The following ITGB6 variants were observed in gnomAD, a reference collection of about 807,000 sequenced individuals.
ITGB6 encodes the protein integrin subunit beta 6.
ITGB6 carries 80 observed loss-of-function variants against 84.5 expected under a neutral mutation model. The ratio of observed to expected loss-of-function variants is 0.95; its 90% confidence interval spans 0.79 to 1.14. ITGB6 has a LOEUF of 1.14. Ranked by LOEUF, ITGB6 falls within the 50% of genes most tolerant of loss-of-function variation. The probability of loss-of-function intolerance (pLI) is 0.00; values close to 1 mark genes in which losing one functional copy is unlikely to be tolerated. For missense variants in ITGB6, 1,006 were observed against 968.0 expected (o/e 1.04, Z -0.52); for synonymous variants, 383 against 354.9 (o/e 1.08, Z -0.89).
At chr2:160,152,351 A>T (rs1684458397) in intron 7 of ITGB6, among the ~76,000 whole-genome samples, 1 of 152,222 alleles carries the variant, frequency 6.6e-6, no homozygotes, top group South Asian at 2.1e-4. Flanking sequence ...CAAAAACCAC[A>T]TGATTATCTC....
chr2:160,172,523 C>A, intron 6 of ITGB6, 46 bp downstream of exon 6: 13 of 1,515,308 alleles, frequency 8.6e-6, no homozygotes, highest in Non-Finnish European at 1.2e-5. Flanking sequence ...TTGCTTCGTT[C>A]TCCTACTTAT....
chr2:160,128,573 C>T (rs576228142), intron 10 of ITGB6, among the ~76,000 whole-genome samples: 5 of 152,174 alleles, frequency 3.3e-5, no homozygotes, highest in South Asian at 4.1e-4. Context: ...TGAACCAAGG[C>T]GGTGCCCATG....
chr2:160,153,025 T>C (rs975833139), intron 7 of ITGB6, among the ~76,000 whole-genome samples: 3 of 152,320 alleles, frequency 2.0e-5, no homozygotes, highest in South Asian at 2.1e-4. Context: ...AGGTAATTTA[T>C]AAGTTCAATG....
At chr2:160,162,367 C>CAT (rs912385448) in intron 7 of ITGB6, among the ~76,000 whole-genome samples, 13 of 151,776 alleles carry the variant, frequency 8.6e-5, no homozygotes, top group African/African-American at 2.7e-4. Flanking sequence ...TATATGTGTA[C>CAT]ATATATATAT....
intron 2 of ITGB6, among the ~76,000 whole-genome samples, chr2:160,198,816 T>A (rs984349722): frequency 1.3e-5 from 2 of 152,220 alleles, no homozygotes; most frequent in Non-Finnish European, 2.9e-5. Flanking sequence ...GAACATCAAA[T>A]GTATGTTTAA....
intron 4 of ITGB6, among the ~76,000 whole-genome samples, chr2:160,191,104 T>C (rs1686122650): frequency 1.3e-5 from 2 of 152,234 alleles, no homozygotes; most frequent in South Asian, 4.1e-4. Flanking sequence ...AATACTTTTA[T>C]GTTAGATAGT....
intron 7 of ITGB6, among the ~76,000 whole-genome samples, chr2:160,161,233 C>T (rs1381151015): frequency 6.6e-6 from 1 of 152,082 alleles, no homozygotes; most frequent in Admixed American, 6.6e-5. Context: ...CATATAGTTA[C>T]TCTCATCAAT....
intron 6 of ITGB6, among the ~76,000 whole-genome samples, chr2:160,169,807 G>A (rs151139361): frequency 1.3e-5 from 2 of 152,272 alleles, no homozygotes; most frequent in East Asian, 1.9e-4. Context: ...TGACATTCCC[G>A]TACTAATCCT....
At position 160,126,448 on chromosome 2, in the gene ITGB6, G is replaced by A. The variant is rs543986673; in HGVS notation, c.1814C>T (p.Thr605Ile). ...GDCVCGKCVC[T>I]NPGASGPTCE... ...GGTTGGTCCTGAGGCTCCAGGGTTT[G>A]TGCAAACACACTTGCCACAAACACA... The change falls in exon 11 of 15, where the codon ACA becomes ATA. Residue 605 changes from threonine (T) to isoleucine (I), a missense_variant. Thr to Ile is a moderately conservative substitution (Grantham distance 89, BLOSUM62 -1). Coordinates refer to ENST00000283249, the MANE Select transcript of ITGB6 (RefSeq NM_000888.5). 1 of 1,614,200 alleles carries A rather than the reference G, an allele frequency of 6.2e-7. No homozygotes were observed. Among genetic ancestry groups the A allele is most frequent in the East Asian group, 2.2e-5 (1 of 44,884 alleles).
intron 12 of ITGB6, among the ~76,000 whole-genome samples, chr2:160,119,794 T>C (rs1682949954): frequency 6.6e-6 from 1 of 151,814 alleles, no homozygotes; most frequent in South Asian, 2.1e-4. Flanking sequence ...ATCCAGAATC[T>C]ACAATGAACT....
chr2:160,196,679 ATG>A (rs370352697), intron 2 of ITGB6, among the ~76,000 whole-genome samples: 2 of 151,664 alleles, frequency 1.3e-5, no homozygotes, highest in Admixed American at 6.6e-5. Flanking sequence ...TAACAATTGC[ATG>A]TGTGTGTGTG....
chr2:160,160,584 T>A (rs1221769498), intron 7 of ITGB6, among the ~76,000 whole-genome samples: 1 of 152,224 alleles, frequency 6.6e-6, no homozygotes, highest in African/African-American at 2.4e-5. Context: ...GGGGCTTTTC[T>A]GGATAATCAG....
chr2:160,114,019 A>C (rs1160150459), intron 12 of ITGB6, among the ~76,000 whole-genome samples: 1 of 152,178 alleles, frequency 6.6e-6, no homozygotes, highest in Non-Finnish European at 1.5e-5. Flanking sequence ...GTGGTAGGAA[A>C]TATGTGAGTG....
At chr2:160,124,229 C>T (rs565376747) in intron 11 of ITGB6, among the ~76,000 whole-genome samples, 179 of 152,274 alleles carry the variant, frequency 1.2e-3, no homozygotes, top group African/African-American at 4.1e-3. Flanking sequence ...CTACAGAGAG[C>T]GTATGTTCCT....
At position 160,140,971 on chromosome 2, in the gene ITGB6, G is replaced by A. The variant is rs1022753217; in HGVS notation, c.1107+1011C>T. Reference sequence around the variant, plus strand: ...TTCAAAGACGTCTGTGAGAGGATAGGCCTATTTTTAAAAACTTTCCGTGTT... The same window carrying A: ...TTCAAAGACGTCTGTGAGAGGATAGACCTATTTTTAAAAACTTTCCGTGTT... On this transcript the variant is annotated intron_variant, in intron 8 of 14. Transcript: ENST00000283249. 5.9e-5 allele frequency among the ~76,000 whole-genome samples: 9 copies of A among 151,972 alleles called. 1 individual carries two copies. The highest frequency in any genetic ancestry group is 2.2e-4 in the African/African-American group (9 of 41,364).
At chr2:160,176,304 A>G (rs569431305) in intron 4 of ITGB6, among the ~76,000 whole-genome samples, 2 of 152,240 alleles carry the variant, frequency 1.3e-5, no homozygotes, top group East Asian at 3.9e-4. Flanking sequence ...TCTTGGATGG[A>G]TGTGGCCCAC....
intron 4 of ITGB6, among the ~76,000 whole-genome samples, chr2:160,190,962 T>C (rs373861267): frequency 4.6e-5 from 7 of 152,284 alleles, no homozygotes; most frequent in African/African-American, 1.7e-4. Context: ...GGAGTTCTAG[T>C]TGGAATTGCC....
At chr2:160,187,671 A>G (rs60103361) in intron 4 of ITGB6, among the ~76,000 whole-genome samples, 6,840 of 152,244 alleles carry the variant, frequency 0.045, 481 homozygotes, top group African/African-American at 0.15. Context: ...GTGCCACTCC[A>G]TTTTAGAGCA....
chr2:160,190,056 A>G lies in ITGB6; in HGVS notation c.593+5313T>C, dbSNP rs56659406. ...ATAATGAGTTCATGTCCTTTGTAGG[A>G]ACATGAATGAAGCTGGAAACCATCA... On this transcript the variant is annotated intron_variant, in intron 4 of 14. Transcript: ENST00000283249. Among the ~76,000 whole-genome samples, 1,012 of 152,102 alleles carry G rather than the reference A, an allele frequency of 6.7e-3. 15 individuals carry two copies. Among genetic ancestry groups the G allele is most frequent in the African/African-American group, 0.024 (975 of 41,424 alleles).
Sources: gnomAD v4.1 joint callset for allele counts (sites outside exome capture counted in the v4.1 genomes callset) on GRCh38, gnomAD v4.1.1 for gene constraint, MANE v1.5 for transcripts, NCBI Gene and HGNC (gene_info 2026-07-23, HGNC 2026-07-21) for gene names.